The following SRGAP3 variants were observed in gnomAD, a reference collection of about 807,000 sequenced individuals.
The protein encoded by SRGAP3 is SLIT-ROBO Rho GTPase-activating protein 3.
SRGAP3 carries 39 observed loss-of-function variants against 121.1 expected under a neutral mutation model. That is an observed-to-expected ratio of 0.32 (90% confidence interval 0.25 to 0.42). The LOEUF (loss-of-function observed/expected upper bound fraction) is 0.42. Ranked by LOEUF, SRGAP3 falls within the 10% of genes least tolerant of loss-of-function variation. SRGAP3 has a pLI of 1.00. For missense variants in SRGAP3, 1,213 were observed against 1,470.6 expected, an observed-to-expected ratio of 0.82 and a Z score of 2.86; for synonymous variants, 601 against 570.0, an observed-to-expected ratio of 1.05 and a Z score of -0.77.
intron 1 of SRGAP3, among the ~76,000 whole-genome samples, chr3:9,360,139 G>A (rs913216341): frequency 2.6e-5 from 4 of 152,110 alleles, no homozygotes; most frequent in Non-Finnish European, 4.4e-5. Context: ...ATGTTGTCCA[G>A]GCTGGTCTCA....
At chr3:9,022,088 G>A (rs952659795) in intron 14 of SRGAP3, among the ~76,000 whole-genome samples, 3 of 152,196 alleles carry the variant, frequency 2.0e-5, no homozygotes, top group East Asian at 1.9e-4. Flanking sequence ...CAGCACTTTC[G>A]GAGGCTGAGG....
chr3:9,126,816 T>C (rs1949252308), intron 1 of SRGAP3, among the ~76,000 whole-genome samples: 1 of 152,120 alleles, frequency 6.6e-6, no homozygotes, highest in Non-Finnish European at 1.5e-5. Flanking sequence ...AATTACTTAA[T>C]GGGTGTAATG....
At position 9,204,135 on chromosome 3, in the gene SRGAP3, A is replaced by G. The variant is rs146754791; in HGVS notation, c.67+44750T>C. Among the ~76,000 whole-genome samples the G allele has an allele frequency of 3.3e-5, 5 of 152,352 alleles. No homozygotes were observed. The East Asian group carries it at 9.6e-4, about 29-fold the overall frequency. ...CAGTGAATGAATGAAACCATCAAAC[A>G]CCGGGAACCCATCTTGGAAACTACT... On this transcript the variant is annotated intron_variant, in intron 1 of 21. Coordinates refer to ENST00000383836, the MANE Select transcript of SRGAP3 (RefSeq NM_014850.4).
At chr3:9,278,178 T>C (rs1359842234) in intron 3 of SRGAP3, among the ~76,000 whole-genome samples, 1 of 152,180 alleles carries the variant, frequency 6.6e-6, no homozygotes, top group Admixed American at 6.5e-5. Context: ...AGCCAGTAAG[T>C]GGGGGAAGCA....
intron 1 of SRGAP3, among the ~76,000 whole-genome samples, chr3:9,220,476 C>T (rs561026478): frequency 6.6e-6 from 1 of 152,182 alleles, no homozygotes; most frequent in Non-Finnish European, 1.5e-5. Flanking sequence ...CCTGCTCTTT[C>T]CTCCCTAAAA....
chr3:9,028,211 G>C lies in SRGAP3; in HGVS notation c.1540-1216C>G. The C allele has an allele frequency of 5.1e-6, 8 of 1,583,906 alleles. No individual in the cohort carries two copies. In the South Asian group the frequency reaches 8.9e-5, roughly 18 times the overall value. ...GGAATAAGATCAGTTAGAGTAAGCA[G>C]ATCCTTCAGAGTCCGTGAACGCCGA... is the stretch of plus-strand genomic sequence containing the variant. On this transcript the variant is annotated intron_variant, in intron 12 of 21. Coordinates refer to ENST00000383836, the MANE Select transcript of SRGAP3 (RefSeq NM_014850.4).
At chr3:9,088,448 C>A (rs1947592777) in intron 3 of SRGAP3, among the ~76,000 whole-genome samples, 1 of 152,180 alleles carries the variant, frequency 6.6e-6, no homozygotes, top group Non-Finnish European at 1.5e-5. Flanking sequence ...GCCTCTTTGC[C>A]TGTAGCTAAA....
chr3:9,350,357 G>T (rs1349148699), intron 1 of SRGAP3, among the ~76,000 whole-genome samples: 1 of 152,120 alleles, frequency 6.6e-6, no homozygotes, highest in African/African-American at 2.4e-5. Context: ...AAAAGAGATA[G>T]GAAAGGCAAG....
chr3:9,085,189 C>T (rs1463949488), intron 3 of SRGAP3, among the ~76,000 whole-genome samples: 1 of 152,216 alleles, frequency 6.6e-6, no homozygotes, highest in East Asian at 1.9e-4. Context: ...GAGCACCCTA[C>T]AGGGATGGCC....
chr3:9,101,878 G>C lies in SRGAP3; in HGVS notation c.423+2802C>G, dbSNP rs565204013. 4.8e-4 allele frequency among the ~76,000 whole-genome samples: 70 copies of C among 146,390 alleles called. No individual in the cohort carries two copies. The Middle Eastern group carries it at 0.028, about 58-fold the overall frequency. ...CTCACACTTAAAGCAAGGGCCACGT[G>C]CAGGGGCTTCTGGAATTTGAAGTGC... On this transcript the variant is annotated intron_variant, in intron 3 of 21. Coordinates refer to ENST00000383836, the MANE Select transcript of SRGAP3 (RefSeq NM_014850.4).
At chr3:9,342,957 C>T (rs1216473037) in intron 1 of SRGAP3, among the ~76,000 whole-genome samples, 1 of 152,246 alleles carries the variant, frequency 6.6e-6, no homozygotes, top group Non-Finnish European at 1.5e-5. Flanking sequence ...AGGCTTTCAA[C>T]CCAGACTAGC....
In SRGAP3 at chr3:9,239,848, T is replaced by C. The variant is rs751203056; in HGVS notation, c.67+9037A>G. The stretch of plus-strand genomic sequence containing the variant: ...GCTCTCTGAGACAAGTATAAAACAT[T>C]AGGGAACTGAGCCAGAGGCAAAAAG... On this transcript the variant is annotated intron_variant, in intron 1 of 21. Transcript: ENST00000383836. This position sits in a 1 kb window ranked among gnomAD's most constrained non-coding sequence, Gnocchi z 4.0. 2.0e-5 allele frequency among the ~76,000 whole-genome samples: 3 copies of C among 152,196 alleles called. No individual in the cohort carries two copies. The highest frequency in any genetic ancestry group is 4.4e-5 in the Non-Finnish European group (3 of 68,038).
chr3:9,348,715 T>TG, intron 1 of SRGAP3: 1 of 1,234,222 alleles, frequency 8.1e-7, no homozygotes, highest in Non-Finnish European at 1.2e-6. Flanking sequence ...AGCAGCACTC[T>TG]GGGGGTCTGA....
At chr3:9,006,436 GACTCCACA>G (rs1574891523) in intron 18 of SRGAP3, among the ~76,000 whole-genome samples, 1 of 150,774 alleles carries the variant, frequency 6.6e-6, no homozygotes. Context: ...GAGTGGCTAT[GACTCCACA>G]ACTGGGGTGT....
chr3:9,075,693 C>T (rs887189870), intron 4 of SRGAP3, among the ~76,000 whole-genome samples: 1 of 152,146 alleles, frequency 6.6e-6, no homozygotes, highest in African/African-American at 2.4e-5. Context: ...CCTTACAGAA[C>T]TTTAAGAAGA....
intron 1 of SRGAP3, among the ~76,000 whole-genome samples, chr3:9,148,916 C>G (rs1421951896): frequency 6.6e-6 from 1 of 152,108 alleles, no homozygotes; most frequent in Non-Finnish European, 1.5e-5. Flanking sequence ...TCCCTTATTT[C>G]TAGGGAATGA....
At chr3:9,178,171 G>A (rs889131264) in intron 1 of SRGAP3, among the ~76,000 whole-genome samples, 7 of 152,170 alleles carry the variant, frequency 4.6e-5, no homozygotes, top group South Asian at 2.1e-4. Context: ...GGGAGGATGC[G>A]GTGGGAGGAT....
intron 1 of SRGAP3, among the ~76,000 whole-genome samples, chr3:9,344,527 G>A (rs2125291442): frequency 6.6e-6 from 1 of 152,272 alleles, no homozygotes; most frequent in African/African-American, 2.4e-5. Context: ...CAGTTACTCA[G>A]AAGACTGAGG....
rs746258222 is a variant in SRGAP3 at position 9,349,008 on chromosome 3, C to T, written n.214+13832G>A. On this transcript the variant is annotated intron_variant and non_coding_transcript_variant, in intron 1 of 3. Transcript: ENST00000490889. ...ATTGCAGCCCATGGCAACAGCCCCC[C>T]GGGCATTGTCAAGCATCTGGAGGGC... The T allele has an allele frequency of 3.6e-4, 335 of 932,854 alleles. 1 individual carries two copies. The highest frequency in any genetic ancestry group is 7.2e-5 in the East Asian group (3 of 41,544). The allele number at this position is 932,854 out of a possible 1,614,324, so 57.8% of individuals were successfully genotyped here.
Sources: allele counts gnomAD v4.1 joint callset (sites outside exome capture counted in the v4.1 genomes callset), GRCh38; gene constraint gnomAD v4.1.1; non-coding constraint Gnocchi (gnomAD v3.1); transcripts MANE v1.5; gene names NCBI Gene and HGNC (gene_info 2026-07-23, HGNC 2026-07-21).